The following DCDC1 variants were observed in gnomAD, a reference collection of about 807,000 sequenced individuals.
The protein encoded by DCDC1 is doublecortin domain-containing protein 1.
In DCDC1, 200 loss-of-function variants were observed where a neutral mutation model predicts 178.3. The ratio of observed to expected loss-of-function variants is 1.12; its 90% CI spans 1.00 to 1.26. The LOEUF is 1.26. Among genes scored for constraint, DCDC1 ranks in the 50% most tolerant of loss-of-function variants. The pLI, the probability that DCDC1 is intolerant of heterozygous loss-of-function variation, is 0.00. For missense variants in DCDC1, 1,983 were observed against 1,749.2 expected (o/e 1.13, Z -2.38); for synonymous variants, 690 against 604.8 (o/e 1.14, Z -2.07).
intron 1 of DCDC1, among the ~76,000 whole-genome samples, chr11:31,345,383 G>T (rs1402911810): frequency 6.6e-6 from 1 of 152,144 alleles, no homozygotes; most frequent in Non-Finnish European, 1.5e-5. Context: ...ATATGTGTAC[G>T]TGTGACACCT....
chr11:30,920,688 C>A, intron 25 of DCDC1, 88 bp downstream of exon 25: 1 of 1,477,878 alleles, frequency 6.8e-7, no homozygotes. Context: ...GGCATGAGCT[C>A]CCTGCATGGG....
chr11:31,106,973 T>C lies in DCDC1; in HGVS notation c.1588-13A>G, dbSNP rs762746839. ...TCTTGAGAAGTAACTGGTTGGGGGT[T>C]AGAGGGGCAGAGGGGATAGAGGAGA... On this transcript the variant is annotated splice_polypyrimidine_tract_variant and intron_variant, in intron 12 of 38. Coordinates refer to ENST00000684477, the MANE Select transcript of DCDC1 (RefSeq NM_001387274.1). 2 of 763,164 alleles carry C rather than the reference T, an allele frequency of 2.6e-6. No homozygotes were observed. Among genetic ancestry groups the C allele is most frequent in the Non-Finnish European group, 4.8e-6 (2 of 416,860 alleles). The allele number at this position is 763,164 out of a possible 1,614,324, so 47.3% of individuals were successfully genotyped here.
Position 30,955,497 on chromosome 11 carries a change from C to A in DCDC1, c.2592-2929G>T, listed in dbSNP as rs1948718102. ...TCTCAGGGCCTCCCAAGACTTTAAC[C>A]CCTTTTCAAATATCAGCCTACCCTT... is the stretch of plus-strand genomic sequence containing the variant. On this transcript the variant is annotated intron_variant, in intron 20 of 38. Coordinates refer to ENST00000684477, the MANE Select transcript of DCDC1 (RefSeq NM_001387274.1). 2.6e-5 allele frequency among the ~76,000 whole-genome samples: 4 copies of A among 152,154 alleles called. No individual in the cohort carries two copies. The South Asian group carries it at 8.3e-4, about 32-fold the overall frequency.
chr11:30,906,443 A>C, intron 30 of DCDC1, 97 bp downstream of exon 30: 3 of 1,204,588 alleles, frequency 2.5e-6, no homozygotes, highest in Non-Finnish European at 3.5e-6. Context: ...GAATTGGATG[A>C]GTGGAGATGA....
Position 31,139,388 on chromosome 11 carries a change from T to A in DCDC1, c.1222-1604A>T, listed in dbSNP as rs74585087. 5.6e-3 allele frequency among the ~76,000 whole-genome samples: 859 copies of A among 152,254 alleles called. 13 individuals carry two copies. Among genetic ancestry groups the A allele is most frequent in the African/African-American group, 0.02 (814 of 41,544 alleles). On this transcript the variant is annotated intron_variant, in intron 9 of 38. Transcript: ENST00000684477. The stretch of plus-strand genomic sequence containing the variant: ...CCTTAATACTAAGAAAACTTAAATA[T>A]CAAGCTCAACTTCCACACATGGAAG...
At chr11:31,296,676 T>G (rs2137476802) in intron 6 of DCDC1, among the ~76,000 whole-genome samples, 1 of 152,298 alleles carries the variant, frequency 6.6e-6, no homozygotes, top group South Asian at 2.1e-4. Context: ...TTTAATTGAC[T>G]TACAGTTCAG....
intron 11 of DCDC1, among the ~76,000 whole-genome samples, chr11:31,123,318 A>G (rs750682180): frequency 6.6e-6 from 1 of 152,168 alleles, no homozygotes; most frequent in Non-Finnish European, 1.5e-5. Context: ...ATAGGTCTAA[A>G]TAACTTCAAG....
chr11:30,931,311 AGAC>A (rs1353558064), intron 22 of DCDC1, among the ~76,000 whole-genome samples: 1 of 152,124 alleles, frequency 6.6e-6, no homozygotes, highest in Non-Finnish European at 1.5e-5. Context: ...ATTCCAAGGA[AGAC>A]TATAAATTAT....
intron 7 of DCDC1, among the ~76,000 whole-genome samples, chr11:31,267,828 A>G (rs1327499217): frequency 1.3e-5 from 2 of 152,168 alleles, no homozygotes; most frequent in African/African-American, 4.8e-5. Context: ...ATATTGACTG[A>G]CATTGGCATG....
At chr11:31,356,071 CCTTAGGTCATTCCAGAAT>C (rs1468698894) in intron 1 of DCDC1, among the ~76,000 whole-genome samples, 1 of 152,098 alleles carries the variant, frequency 6.6e-6, no homozygotes, top group Non-Finnish European at 1.5e-5. Context: ...TCCCCTCTTA[CCTTAGGTCATTCCAGAAT>C]GTTTAGAGGA....
chr11:31,008,366 T>C (rs529847715), intron 20 of DCDC1, among the ~76,000 whole-genome samples: 17 of 152,074 alleles, frequency 1.1e-4, no homozygotes, highest in Admixed American at 3.3e-4. Flanking sequence ...AGAGGTAGGG[T>C]GGATTTAGTC....
At chr11:31,151,542 G>A (rs1570223) in intron 9 of DCDC1, among the ~76,000 whole-genome samples, 13,873 of 152,062 alleles carry the variant, frequency 0.091, 1,742 homozygotes, top group African/African-American at 0.28. Context: ...AGCACCCAAT[G>A]TCATTATTTT....
At position 31,187,999 on chromosome 11, in the gene DCDC1, A is replaced by T. The variant is rs538496338; in HGVS notation, c.1222-50215T>A. Among the ~76,000 whole-genome samples the T allele has an allele frequency of 9.9e-5, 15 of 151,954 alleles. 1 individual carries two copies. In the South Asian group the frequency reaches 2.7e-3, roughly 27 times the overall value. On this transcript the variant is annotated intron_variant, in intron 9 of 38. Coordinates refer to ENST00000684477, the MANE Select transcript of DCDC1 (RefSeq NM_001387274.1). ...ATAACACCTCATCTAATCTTTTTTA[A>T]TTTTTTTTCCTTTTTGGAGATAGTC... is the stretch of plus-strand genomic sequence containing the variant.
chr11:31,164,553 ATAAGTT>A (rs376490165), intron 9 of DCDC1, among the ~76,000 whole-genome samples: 19 of 152,240 alleles, frequency 1.2e-4, no homozygotes, highest in Non-Finnish European at 2.5e-4. Context: ...TTTTAACAAA[ATAAGTT>A]TAAAACGTAA....
chr11:31,305,197 T>C (rs1948374061), intron 6 of DCDC1, among the ~76,000 whole-genome samples: 1 of 152,142 alleles, frequency 6.6e-6, no homozygotes, highest in Non-Finnish European at 1.5e-5. Context: ...ATTATGTTGA[T>C]ACTATCTGAA....
Position 31,122,808 on chromosome 11 carries a change from T to C in DCDC1, c.1485+4661A>G, listed in dbSNP as rs1273090665. 2.0e-5 allele frequency among the ~76,000 whole-genome samples: 3 copies of C among 152,316 alleles called. No homozygotes were observed. In the East Asian group the frequency reaches 5.8e-4, roughly 29 times the overall value. The stretch of plus-strand genomic sequence containing the variant: ...GCTGAATCAGATAATGATTTCCATA[T>C]ACTGAAAGAATATTTCAATTTTTGT... On this transcript the variant is annotated intron_variant, in intron 11 of 38. Transcript: ENST00000684477.
chr11:30,953,840 T>C (rs1054006171), intron 20 of DCDC1, among the ~76,000 whole-genome samples: 14 of 151,918 alleles, frequency 9.2e-5, no homozygotes, highest in African/African-American at 3.4e-4. Flanking sequence ...ACCCCCAAAA[T>C]ATGTCTTTGA....
chr11:31,184,333 C>G (rs979850714), intron 9 of DCDC1, among the ~76,000 whole-genome samples: 6 of 152,126 alleles, frequency 3.9e-5, no homozygotes, highest in African/African-American at 1.4e-4. Flanking sequence ...ACCATGAAAA[C>G]CCTAGAAGAA....
intron 20 of DCDC1, among the ~76,000 whole-genome samples, chr11:30,968,709 A>AGTT (rs1949593121): frequency 3.2e-5 from 2 of 62,236 alleles, no homozygotes; most frequent in Non-Finnish European, 5.9e-5. Flanking sequence ...ATATATATCA[A>AGTT]ATTATATATA....
Sources: gnomAD v4.1 joint callset for allele counts (sites outside exome capture counted in the v4.1 genomes callset) on GRCh38, gnomAD v4.1.1 for gene constraint, MANE v1.5 for transcripts, NCBI Gene and HGNC (gene_info 2026-07-23, HGNC 2026-07-21) for gene names.